Variants in AGBL4 observed in about 807,000 individuals in gnomAD.
AGBL4 encodes AGBL carboxypeptidase 4, also known as cytosolic carboxypeptidase 6.
In AGBL4, 58 loss-of-function variants were observed where a neutral mutation model predicts 66.4. That is an observed-to-expected ratio of 0.87 (90% CI 0.71 to 1.09). The LOEUF (loss-of-function observed/expected upper bound fraction) is 1.09. Ranked by LOEUF, AGBL4 falls within the 50% of genes least tolerant of loss-of-function variation. AGBL4 has a pLI of 0.00. For synonymous variants in AGBL4, 234 were observed against 222.9 expected (o/e 1.05, Z -0.44); for missense variants, 579 against 631.0 (o/e 0.92, Z 0.88).
chr1:49,658,050 T>A (rs1266591488), intron 3 of AGBL4, among the ~76,000 whole-genome samples: 1 of 152,098 alleles, frequency 6.6e-6, no homozygotes, highest in East Asian at 1.9e-4. Context: ...CAAAAGAAAC[T>A]ACCATCAGAG....
chr1:49,533,194 C>G (rs1365949974), intron 3 of AGBL4, among the ~76,000 whole-genome samples: 1 of 152,144 alleles, frequency 6.6e-6, no homozygotes, highest in South Asian at 2.1e-4. Flanking sequence ...CACCCCGCCC[C>G]CACACACAGA....
At chr1:49,846,195 C>T (rs1316483993) in intron 2 of AGBL4, 13 of 1,458,470 alleles carry the variant, frequency 8.9e-6, no homozygotes, top group Non-Finnish European at 1.2e-5. Flanking sequence ...AACCACAGCT[C>T]CTCACTCAGC....
intron 5 of AGBL4, among the ~76,000 whole-genome samples, chr1:48,959,136 CATGGATTA>C (rs1445461658): frequency 1.3e-5 from 2 of 152,188 alleles, no homozygotes; most frequent in African/African-American, 4.8e-5. Context: ...AATGATATGA[CATGGATTA>C]TATTGCTAAC....
rs754061896 is a variant in AGBL4 at position 48,587,000 on chromosome 1, A to T, written c.1267+4T>A. ...GCCCAAGGCTGGGTGGGGACTAAGG[A>T]TACAGGCTTCTTCAGTGTAGGGCAC... On this transcript the variant is annotated splice_donor_region_variant and intron_variant, in intron 11 of 13. Transcript: ENST00000371839. The T allele has an allele frequency of 1.9e-6, 3 of 1,610,364 alleles. No individual in the cohort carries two copies. The South Asian group carries it at 3.3e-5, about 18-fold the overall frequency.
chr1:49,571,971 G>A lies in AGBL4; in HGVS notation c.282+125342C>T, dbSNP rs77019008. 7.0e-3 allele frequency among the ~76,000 whole-genome samples: 1,062 copies of A among 152,140 alleles called. 12 individuals are homozygous for A. The highest frequency in any genetic ancestry group is 0.014 in the South Asian group (68 of 4,824). ...ATGTTCTGTTGGATTCAGTGTGCAAGTATTTTCATGAGAATTTTTGTGTCT... is the reference window on the plus strand; with the variant it reads ...ATGTTCTGTTGGATTCAGTGTGCAAATATTTTCATGAGAATTTTTGTGTCT... On this transcript the variant is annotated intron_variant, in intron 3 of 13. Coordinates refer to ENST00000371839, the MANE Select transcript of AGBL4 (RefSeq NM_032785.4).
At chr1:49,418,086 A>G (rs1371225428) in intron 3 of AGBL4, among the ~76,000 whole-genome samples, 1 of 152,296 alleles carries the variant, frequency 6.6e-6, no homozygotes, top group East Asian at 1.9e-4. Context: ...CTGTAACTTT[A>G]GCTTTCTAGT....
intron 3 of AGBL4, among the ~76,000 whole-genome samples, chr1:49,582,469 G>T (rs907735664): frequency 6.6e-6 from 1 of 152,072 alleles, no homozygotes; most frequent in African/African-American, 2.4e-5. Context: ...CCAAAACCTG[G>T]CCATAAGAGC....
chr1:48,753,888 C>G (rs11578117), intron 6 of AGBL4, among the ~76,000 whole-genome samples: 1 of 152,150 alleles, frequency 6.6e-6, no homozygotes, highest in African/African-American at 2.4e-5. Context: ...TATTCCCTGA[C>G]AAAGCACACA....
chr1:49,799,574 T>C (rs1185451838), intron 2 of AGBL4, among the ~76,000 whole-genome samples: 1 of 151,844 alleles, frequency 6.6e-6, no homozygotes, highest in African/African-American at 2.4e-5. Context: ...GAAGAAAGGA[T>C]AGTAGAAAGA....
At chr1:48,831,521 T>C (rs1425042194) in intron 6 of AGBL4, among the ~76,000 whole-genome samples, 3 of 152,314 alleles carry the variant, frequency 2.0e-5, no homozygotes, top group South Asian at 4.1e-4. Flanking sequence ...CCTTTATACT[T>C]TTTATGCACC....
chr1:49,340,888 T>C (rs1645526099), intron 3 of AGBL4, among the ~76,000 whole-genome samples: 1 of 152,226 alleles, frequency 6.6e-6, no homozygotes, highest in African/African-American at 2.4e-5. Context: ...AAAAGCATTC[T>C]TAGTTTAACA....
chr1:49,846,213 A>G, intron 2 of AGBL4: 1 of 1,460,524 alleles, frequency 6.8e-7, no homozygotes, highest in South Asian at 1.1e-5. Context: ...AGCCAGCACA[A>G]AAGGACACAC....
At chr1:49,554,189 T>A (rs1653209457) in intron 3 of AGBL4, among the ~76,000 whole-genome samples, 1 of 152,086 alleles carries the variant, frequency 6.6e-6, no homozygotes, top group African/African-American at 2.4e-5. Context: ...AGGATTTAAA[T>A]CCAGAAGGTC....
At chr1:48,565,930 G>A (rs1644469733) in intron 11 of AGBL4, among the ~76,000 whole-genome samples, 1 of 152,114 alleles carries the variant, frequency 6.6e-6, no homozygotes, top group African/African-American at 2.4e-5. Flanking sequence ...CTTGACTGGG[G>A]AATGAAGTAT....
intron 2 of AGBL4, among the ~76,000 whole-genome samples, chr1:49,829,243 T>A (rs1322908818): frequency 6.6e-6 from 1 of 152,028 alleles, no homozygotes; most frequent in Non-Finnish European, 1.5e-5. Flanking sequence ...AACTATTAGA[T>A]ATGTACTCAA....
chr1:48,636,663 T>C (rs1192000505), intron 8 of AGBL4, among the ~76,000 whole-genome samples: 2 of 152,238 alleles, frequency 1.3e-5, no homozygotes, highest in Non-Finnish European at 2.9e-5. Flanking sequence ...TTCATGCAGT[T>C]CTTAAATATT....
chr1:49,167,313 T>C (rs925553933), intron 4 of AGBL4, among the ~76,000 whole-genome samples: 1 of 152,190 alleles, frequency 6.6e-6, no homozygotes, highest in African/African-American at 2.4e-5. Flanking sequence ...CACTCTCTCT[T>C]TCACACTTTT....
chr1:48,771,221 G>T (rs769245293), intron 6 of AGBL4, among the ~76,000 whole-genome samples: 35 of 152,286 alleles, frequency 2.3e-4, no homozygotes, highest in Admixed American at 5.9e-4. Context: ...TCTTCTGGTA[G>T]AAAGAGTACA....
chr1:49,299,047 GTGTAACA>G (rs1419113637), intron 3 of AGBL4, among the ~76,000 whole-genome samples: 24 of 151,942 alleles, frequency 1.6e-4, no homozygotes, highest in African/African-American at 5.3e-4. Flanking sequence ...AGTCCTTATT[GTGTAACA>G]CGCCATAATA....
Sources: allele counts gnomAD v4.1 joint callset (sites outside exome capture counted in the v4.1 genomes callset), GRCh38; gene constraint gnomAD v4.1.1; transcripts MANE v1.5; gene names NCBI Gene and HGNC (gene_info 2026-07-23, HGNC 2026-07-21).